Variants in KATNIP observed in about 807,000 individuals in gnomAD.
KATNIP encodes the protein katanin-interacting protein.
A neutral mutation model predicts 174.0 loss-of-function variants in KATNIP; 126 were observed. That is an observed-to-expected ratio of 0.72 (90% CI 0.63 to 0.84). The LOEUF (loss-of-function observed/expected upper bound fraction) is 0.84. Among genes scored for constraint, KATNIP ranks in the 40% least tolerant of loss-of-function variants. The pLI is 0.00. For missense variants in KATNIP, 1,958 were observed against 2,109.7 expected (o/e 0.93, Z 1.41); for synonymous variants, 810 against 835.7 (o/e 0.97, Z 0.53).
chr16:27,696,901 G>A (rs1198331607), intron 8 of KATNIP, among the ~76,000 whole-genome samples: 3 of 151,888 alleles, frequency 2.0e-5, no homozygotes, highest in Admixed American at 6.6e-5. Flanking sequence ...GCTAATTTTT[G>A]TATTTTTATT....
chr16:27,659,855 C>A (rs1389408491), intron 6 of KATNIP, among the ~76,000 whole-genome samples: 2 of 152,084 alleles, frequency 1.3e-5, no homozygotes, highest in African/African-American at 4.8e-5. Flanking sequence ...TTCTGTTGGC[C>A]GGTTTGGTGG....
rs114447074 is a variant in KATNIP, at chr16:27,572,423, G to A, written c.8-1478G>A. ...CAATGAAGACAAAGGCAGGCATGTA[G>A]CCAGTTTCAGATTAGTTCATTCTAT... On this transcript the variant is annotated intron_variant, in intron 1 of 27. Transcript: ENST00000261588. Among the ~76,000 whole-genome samples the A allele has an allele frequency of 8.5e-3, 1,273 of 148,926 alleles. 18 individuals carry two copies. The highest frequency in any genetic ancestry group is 0.03 in the African/African-American group (1,229 of 40,520).
intron 3 of KATNIP, among the ~76,000 whole-genome samples, chr16:27,624,679 G>T (rs1225587644): frequency 6.6e-6 from 1 of 152,072 alleles, no homozygotes; most frequent in Non-Finnish European, 1.5e-5. Context: ...AATTAGCCGG[G>T]TGTGGTGGCA....
At chr16:27,602,780 C>A (rs1285991587) in intron 2 of KATNIP, among the ~76,000 whole-genome samples, 1 of 152,106 alleles carries the variant, frequency 6.6e-6, no homozygotes, top group Admixed American at 6.6e-5. Flanking sequence ...CTCACTGCAA[C>A]CTCCTCCTCC....
intron 2 of KATNIP, among the ~76,000 whole-genome samples, chr16:27,608,761 G>A (rs896727100): frequency 6.6e-6 from 1 of 152,166 alleles, no homozygotes; most frequent in Non-Finnish European, 1.5e-5. Context: ...TGGGGATAAA[G>A]ATAAGGATAC....
At chr16:27,739,826 C>T (rs187848207) in intron 14 of KATNIP, among the ~76,000 whole-genome samples, 1 of 151,482 alleles carries the variant, frequency 6.6e-6, no homozygotes, top group East Asian at 1.9e-4. Context: ...TTGAGGCCGT[C>T]TCTTTGTGAA....
intron 1 of KATNIP, among the ~76,000 whole-genome samples, chr16:27,553,997 GGAA>G (rs1183944656): frequency 1.3e-5 from 2 of 149,736 alleles, no homozygotes; most frequent in South Asian, 2.1e-4. Context: ...GAGAGAGAAA[GGAA>G]GGAAGGAAAG....
intron 1 of KATNIP, among the ~76,000 whole-genome samples, chr16:27,559,696 A>AT (rs1191111698): frequency 6.8e-6 from 1 of 146,000 alleles, no homozygotes; most frequent in Non-Finnish European, 1.5e-5. Context: ...AAAAAAAAAA[A>AT]TAGTAAGGTC....
intron 2 of KATNIP, among the ~76,000 whole-genome samples, chr16:27,577,401 C>T (rs1057498943): frequency 2.6e-5 from 4 of 151,994 alleles, no homozygotes; most frequent in African/African-American, 9.7e-5. Context: ...AAAAATTAAA[C>T]AGGTGTGAGG....
At chr16:27,680,111 A>G (rs1023386652) in intron 7 of KATNIP, among the ~76,000 whole-genome samples, 5 of 150,960 alleles carry the variant, frequency 3.3e-5, no homozygotes, top group Admixed American at 3.3e-4. Context: ...CTTTCTCTCC[A>G]CCCACCACAC....
At chr16:27,623,144 C>G (rs932474232) in intron 3 of KATNIP, among the ~76,000 whole-genome samples, 2 of 152,212 alleles carry the variant, frequency 1.3e-5, no homozygotes, top group Non-Finnish European at 2.9e-5. Context: ...AGCCAGTGCT[C>G]TCTCCTCTGA....
At chr16:27,767,993 T>G (rs900452441) in intron 20 of KATNIP, among the ~76,000 whole-genome samples, 2 of 152,138 alleles carry the variant, frequency 1.3e-5, no homozygotes, top group African/African-American at 2.4e-5. Flanking sequence ...AGAGCTTCTG[T>G]GACCTGAATT....
chr16:27,760,983 G>C (rs2081932007), intron 18 of KATNIP, among the ~76,000 whole-genome samples: 1 of 152,208 alleles, frequency 6.6e-6, no homozygotes, highest in Non-Finnish European at 1.5e-5. Flanking sequence ...TGGTTGGAGA[G>C]AGAGGAATAT....
At chr16:27,679,972 T>C (rs565082533) in intron 7 of KATNIP, among the ~76,000 whole-genome samples, 7 of 152,176 alleles carry the variant, frequency 4.6e-5, no homozygotes, top group African/African-American at 1.7e-4. Context: ...TGCTTTTCCC[T>C]CCAGACCGCA....
intron 4 of KATNIP, among the ~76,000 whole-genome samples, chr16:27,630,229 A>G (rs1485131807): frequency 6.6e-6 from 1 of 152,018 alleles, no homozygotes; most frequent in African/African-American, 2.4e-5. Context: ...GGCAGTTAGG[A>G]CCTCTCTGAC....
At chr16:27,628,964 TC>T in intron 4 of KATNIP, 134 bp downstream of exon 4, 1 of 854,604 alleles carries the variant, frequency 1.2e-6, no homozygotes, top group Non-Finnish European at 1.8e-6. Context: ...GGCCAAGAGT[TC>T]CAGACCAGCC....
chr16:27,593,229 AC>A (rs1193523330), intron 2 of KATNIP, among the ~76,000 whole-genome samples: 2 of 34,606 alleles, frequency 5.8e-5, no homozygotes, highest in Non-Finnish European at 1.1e-4. Context: ...TTAAACACCC[AC>A]CCCCCACCCT....
At chr16:27,713,775 ACACATAT>A (rs1567336418) in intron 13 of KATNIP, among the ~76,000 whole-genome samples, 8 of 132,560 alleles carry the variant, frequency 6.0e-5, no homozygotes, top group African/African-American at 2.2e-4. Flanking sequence ...ATGTATATAT[ACACATAT>A]TATATATGTG....
chr16:27,773,884 G>A (rs796128362), intron 23 of KATNIP, among the ~76,000 whole-genome samples: 10 of 152,190 alleles, frequency 6.6e-5, no homozygotes, highest in Admixed American at 3.9e-4. Flanking sequence ...TATTTTCTCA[G>A]GGCTCACTCT....
Sources: gnomAD v4.1 joint callset for allele counts (sites outside exome capture counted in the v4.1 genomes callset) on GRCh38, gnomAD v4.1.1 for gene constraint, MANE v1.5 for transcripts, NCBI Gene and HGNC (gene_info 2026-07-23, HGNC 2026-07-21) for gene names.